GCA: variants seen among roughly 807,000 people sequenced by gnomAD.
GCA encodes grancalcin, EF-hand calcium-binding protein.
GCA carries 30 observed loss-of-function variants against 32.6 expected under a neutral mutation model. The observed-to-expected ratio is 0.92, with a 90% CI of 0.69 to 1.25. The LOEUF (loss-of-function observed/expected upper bound fraction) is 1.25, where lower values mean the gene tolerates loss of function less well. Ranked by LOEUF, GCA falls within the 50% of genes most tolerant of loss-of-function variation. The probability of loss-of-function intolerance (pLI) is 0.00; values close to 1 mark genes in which losing one functional copy is unlikely to be tolerated. For synonymous variants in GCA, 102 were observed against 84.6 expected (o/e 1.21, Z -1.13); for missense variants, 291 against 266.8 (o/e 1.09, Z -0.63).
At chr2:162,334,942 G>A (rs541038796) in intron 1 of GCA, among the ~76,000 whole-genome samples, 1 of 152,086 alleles carries the variant, frequency 6.6e-6, no homozygotes. Flanking sequence ...GTTTTCTCTC[G>A]CTCAGTATTC....
At chr2:162,351,547 A>G (rs1414891139) in intron 2 of GCA, among the ~76,000 whole-genome samples, 4 of 152,188 alleles carry the variant, frequency 2.6e-5, no homozygotes, top group Non-Finnish European at 5.9e-5. Flanking sequence ...ATCCATTAGA[A>G]TGTGAGTGTT....
Position 162,362,022 on chromosome 2 carries a change from G to A in GCA, c.*1779G>A. On this transcript the variant is annotated 3_prime_UTR_variant, in exon 8 of 8. Coordinates refer to ENST00000437150, the MANE Select transcript of GCA (RefSeq NM_012198.5). ...AATGGTATTATTCATGTAAGCTTCT[G>A]CCAGGTGACACTCTATATTAGAACT... The A allele has an allele frequency of 1.0e-6, 1 of 983,412 alleles. No homozygotes were observed. The highest frequency in any genetic ancestry group is 1.2e-6 in the Non-Finnish European group (1 of 828,358). The allele number at this position is 983,412 out of a possible 1,614,324, so 60.9% of individuals were successfully genotyped here. A position where few individuals can be genotyped will look rare whatever the true frequency, so the allele number is the denominator to read the frequency against.
At chr2:162,357,162 C>A (rs1459183382) in intron 5 of GCA, among the ~76,000 whole-genome samples, 1 of 151,702 alleles carries the variant, frequency 6.6e-6, no homozygotes, top group Non-Finnish European at 1.5e-5. Context: ...AAATTTATTT[C>A]TTTGTTAGTA....
upstream of GCA, among the ~76,000 whole-genome samples, chr2:162,339,549 A>AC (rs1439339647): frequency 1.3e-5 from 2 of 152,204 alleles, no homozygotes; most frequent in Admixed American, 1.3e-4. Context: ...GCATGCTGCA[A>AC]CCCCAACCAC....
At chr2:162,359,421 G>T (rs1685458986) in intron 6 of GCA, 73 bp from the exon 7 acceptor site, 2 of 676,308 alleles carry the variant, frequency 3.0e-6, no homozygotes, top group Admixed American at 2.6e-5. Context: ...TTCTTTTTGT[G>T]TACCTGGGTG....
chr2:162,342,440 C>T (rs1684483147), upstream of GCA, among the ~76,000 whole-genome samples: 1 of 152,168 alleles, frequency 6.6e-6, no homozygotes. Flanking sequence ...CTTCATACTT[C>T]CATAGATTCC....
At chr2:162,330,253 G>A (rs146138621) in intron 1 of GCA, among the ~76,000 whole-genome samples, 250 of 152,246 alleles carry the variant, frequency 1.6e-3, no homozygotes, top group African/African-American at 5.8e-3. Context: ...TCACCACACT[G>A]TCTTCCACAA....
At chr2:162,342,886 C>T (rs146776073), upstream of GCA, among the ~76,000 whole-genome samples, 3 of 152,314 alleles carry the variant, frequency 2.0e-5, no homozygotes, top group East Asian at 5.8e-4. Context: ...TTCCCTTTTG[C>T]CACGTAGGTT....
intron 1 of GCA, chr2:162,319,383 T>C (rs1683585708): frequency 1.5e-5 from 5 of 324,678 alleles, no homozygotes; most frequent in South Asian, 1.2e-4. Flanking sequence ...TAAAGTTTCC[T>C]AGATCCCAGC....
At chr2:162,325,243 C>T (rs1683832869) in intron 1 of GCA, among the ~76,000 whole-genome samples, 1 of 152,240 alleles carries the variant, frequency 6.6e-6, no homozygotes, top group Non-Finnish European at 1.5e-5. Context: ...CCTGGGAATT[C>T]TGGGGTTTGT....
rs35913011 is a variant in GCA, at chr2:162,371,455, TC to T, written c.*78del. The T allele has an allele frequency of 3.9e-6, 5 of 1,271,604 alleles. No homozygotes were observed. The African/African-American group carries it at 7.7e-5, about 20-fold the overall frequency. The allele number at this position is 1,271,604 out of a possible 1,614,324, so 78.8% of individuals were successfully genotyped here. On this transcript the variant is annotated 3_prime_UTR_variant, in exon 5 of 5. Transcript: ENST00000414723. ...TGAGTTGCATCCATGAACAGTTTTA[TC>T]CCTTGGTTTCTTATTTGCGTGGAAG...
chr2:162,324,225 G>C (rs1349417081), intron 1 of GCA, among the ~76,000 whole-genome samples: 1 of 152,200 alleles, frequency 6.6e-6, no homozygotes, highest in Non-Finnish European at 1.5e-5. Context: ...TTGTCTCAAG[G>C]ACAGAGGGCT....
intron 1 of GCA, among the ~76,000 whole-genome samples, chr2:162,330,064 C>A (rs1393246088): frequency 1.3e-5 from 2 of 152,124 alleles, no homozygotes; most frequent in African/African-American, 4.8e-5. Context: ...TTTCTTTATC[C>A]AGTCTGTCAC....
chr2:162,348,018 C>A (rs371764968), intron 2 of GCA, among the ~76,000 whole-genome samples: 1 of 152,032 alleles, frequency 6.6e-6, no homozygotes, highest in Non-Finnish European at 1.5e-5. Context: ...AGTATGCTTG[C>A]GTTACTGAAA....
intron 1 of GCA, among the ~76,000 whole-genome samples, chr2:162,322,776 G>A (rs1223495946): frequency 4.6e-5 from 7 of 151,356 alleles, no homozygotes; most frequent in Non-Finnish European, 8.8e-5. Flanking sequence ...CATGGTGTAT[G>A]TGTGCCACAT....
At chr2:162,355,929 C>T (rs923751458) in intron 3 of GCA, among the ~76,000 whole-genome samples, 6 of 151,956 alleles carry the variant, frequency 3.9e-5, no homozygotes, top group African/African-American at 1.2e-4. Flanking sequence ...CTTCTGAAAA[C>T]ACTTCAGTGG....
In GCA at chr2:162,356,810, C is replaced by A; in HGVS notation, c.359C>A (p.Ala120Asp). ...AATGCATTCAAAGAGCTATGGGCAG[C>A]TCTTAATGCCTGGAAGGAAAACTTC... Reference protein sequence around the residue: ...GFNAFKELWAALNAWKENFMT... With the variant: ...GFNAFKELWADLNAWKENFMT... Residue 120 changes from alanine (A) to aspartate (D), a missense_variant, in exon 5 of 8, where the codon GCT becomes GAT. Coordinates refer to ENST00000437150, the MANE Select transcript of GCA (RefSeq NM_012198.5). 6.2e-7 allele frequency: 1 copy of A among 1,608,078 alleles called. No individual in the cohort carries two copies. The highest frequency in any genetic ancestry group is 8.5e-7 in the Non-Finnish European group (1 of 1,175,192).
chr2:162,362,448 T>G lies in GCA; in HGVS notation c.*2205T>G, dbSNP rs1188833080. 1 of 962,964 alleles carries G rather than the reference T, an allele frequency of 1.0e-6. No individual in the cohort carries two copies. The highest frequency in any genetic ancestry group is 1.2e-6 in the Non-Finnish European group (1 of 809,808). The allele number at this position is 962,964 out of a possible 1,614,324, so 59.7% of individuals were successfully genotyped here. ...TTAAAAATAACTGATATTTTTATGATGAACATGACTGTAATATGAATATAG... is the reference window on the plus strand; with the variant it reads ...TTAAAAATAACTGATATTTTTATGAGGAACATGACTGTAATATGAATATAG... On this transcript the variant is annotated 3_prime_UTR_variant, in exon 8 of 8. Transcript: ENST00000437150.
intron 7 of GCA, among the ~76,000 whole-genome samples, 195 bp from the exon 8 acceptor site, chr2:162,360,022 G>T (rs1180925272): frequency 6.6e-6 from 1 of 151,004 alleles, no homozygotes; most frequent in Non-Finnish European, 1.5e-5. Context: ...AATGTTTCAG[G>T]GTTTTTGTTT....
Sources: allele counts gnomAD v4.1 joint callset (sites outside exome capture counted in the v4.1 genomes callset), GRCh38; gene constraint gnomAD v4.1.1; transcripts MANE v1.5; gene names NCBI Gene and HGNC (gene_info 2026-07-23, HGNC 2026-07-21).